The following CACNA1D variants were observed in gnomAD, a reference collection of about 807,000 sequenced individuals.
CACNA1D encodes voltage-dependent L-type calcium channel subunit alpha-1D.
CACNA1D carries 55 observed loss-of-function variants against 257.1 expected under a neutral mutation model. The ratio of observed to expected loss-of-function variants is 0.21; its 90% confidence interval spans 0.17 to 0.27. The LOEUF is 0.27. Ranked by LOEUF, CACNA1D falls within the 10% of genes least tolerant of loss-of-function variation. The probability of loss-of-function intolerance (pLI) is 1.00; values close to 1 mark genes in which losing one functional copy is unlikely to be tolerated. For missense variants in CACNA1D, 1,876 were observed against 2,784.0 expected (o/e 0.67, Z 7.34); for synonymous variants, 980 against 1,014.9 (o/e 0.97, Z 0.65).
In CACNA1D at chr3:53,496,718, C is replaced by CT. The variant is rs199676445; in HGVS notation, c.68-425dup. On this transcript the variant is annotated intron_variant, in intron 1 of 47. Coordinates refer to ENST00000350061, the MANE Select transcript of CACNA1D (RefSeq NM_001128840.3). ...AAGACTATTGAATTATTGGTACTGC[C>CT]TTTTTTTTTCCCCTTGGTGATGGTG... Among the ~76,000 whole-genome samples the CT allele has an allele frequency of 9.2e-4, 139 of 151,242 alleles. 1 individual carries two copies. In the East Asian group the frequency reaches 0.021, roughly 23 times the overall value.
rs1043398073 is a variant in CACNA1D, at chr3:53,774,109, A to G, written c.4111-478A>G. ...CGTTATTTTCATTCCCTCGGTATCT[A>G]TGCTGTCACCCTGCTCCTATGCACA... is the stretch of plus-strand genomic sequence containing the variant. On this transcript the variant is annotated intron_variant, in intron 33 of 47. Coordinates refer to ENST00000350061, the MANE Select transcript of CACNA1D (RefSeq NM_001128840.3). The surrounding 1 kb of genome is among the most constrained non-coding windows in gnomAD (Gnocchi z 4.3). 1.7e-5 allele frequency: 3 copies of G among 177,364 alleles called. 1 individual carries two copies. The highest frequency in any genetic ancestry group is 1.1e-4 in the Admixed American group (2 of 17,750). The allele number at this position is 177,364 out of a possible 1,614,324, so 11.0% of individuals were successfully genotyped here.
At chr3:53,583,153 T>C (rs1302244974) in intron 3 of CACNA1D, among the ~76,000 whole-genome samples, 1 of 152,154 alleles carries the variant, frequency 6.6e-6, no homozygotes, top group Non-Finnish European at 1.5e-5. Flanking sequence ...AGAATCTTAT[T>C]TGTGATGTTT....
chr3:53,496,521 G>A (rs1218221603), intron 1 of CACNA1D, among the ~76,000 whole-genome samples: 1 of 152,230 alleles, frequency 6.6e-6, no homozygotes, highest in Non-Finnish European at 1.5e-5. Context: ...TGGAGGAAAT[G>A]AGTCCCAAGC....
intron 40 of CACNA1D, chr3:53,791,062 C>T: frequency 1.4e-6 from 1 of 700,612 alleles, no homozygotes; most frequent in South Asian, 1.5e-5. Flanking sequence ...TGGCTAAGGC[C>T]TTGAAAGGGA....
chr3:53,801,524 C>A, intron 42 of CACNA1D, 99 bp downstream of exon 42: 1 of 1,491,766 alleles, frequency 6.7e-7, no homozygotes, highest in Non-Finnish European at 9.2e-7. Flanking sequence ...TGCTCTGGGG[C>A]ATGGAGGAGG....
intron 3 of CACNA1D, among the ~76,000 whole-genome samples, chr3:53,603,437 G>A (rs1471712171): frequency 6.6e-6 from 1 of 152,154 alleles, no homozygotes; most frequent in East Asian, 1.9e-4. Context: ...AATAAGAAAT[G>A]TACCCCTTGG....
At chr3:53,691,991 G>A (rs1222815544) in intron 8 of CACNA1D, among the ~76,000 whole-genome samples, 2 of 134,274 alleles carry the variant, frequency 1.5e-5, no homozygotes, top group Non-Finnish European at 1.6e-5. Flanking sequence ...TCAATGGCAC[G>A]ATGGGTGTAG....
chr3:53,568,412 G>A (rs1170779384), intron 3 of CACNA1D, among the ~76,000 whole-genome samples: 2 of 152,030 alleles, frequency 1.3e-5, no homozygotes, highest in South Asian at 2.1e-4. Flanking sequence ...CCTCACTCTC[G>A]GCCGATGGCT....
chr3:53,784,156 C>A (rs983124539), intron 39 of CACNA1D, among the ~76,000 whole-genome samples: 3 of 152,170 alleles, frequency 2.0e-5, no homozygotes, highest in African/African-American at 7.2e-5. Context: ...GCTGCCCCCT[C>A]ACCATCAGTG....
At chr3:53,792,982 T>G (rs1274186733) in intron 40 of CACNA1D, among the ~76,000 whole-genome samples, 1 of 152,224 alleles carries the variant, frequency 6.6e-6, no homozygotes, top group Non-Finnish European at 1.5e-5. Context: ...CAAGGGCAGG[T>G]TTGACTGCTT....
chr3:53,614,174 A>G (rs1481967759), intron 3 of CACNA1D, among the ~76,000 whole-genome samples: 1 of 151,450 alleles, frequency 6.6e-6, no homozygotes, highest in East Asian at 1.9e-4. Context: ...TAGGGCTGAG[A>G]TAGAGCACTT....
chr3:53,662,197 T>A (rs186843652), intron 5 of CACNA1D, among the ~76,000 whole-genome samples: 9 of 152,344 alleles, frequency 5.9e-5, no homozygotes, highest in South Asian at 2.1e-4. Flanking sequence ...TAATTTTGTG[T>A]GCATGTGTGT....
chr3:53,651,374 T>TTTTTTTC (rs2094093894), intron 4 of CACNA1D, among the ~76,000 whole-genome samples: 1 of 143,008 alleles, frequency 7.0e-6, no homozygotes, highest in Non-Finnish European at 1.5e-5. Context: ...TTCTTTTTTT[T>TTTTTTTC]TTTTTTTTTT....
chr3:53,586,339 G>A (rs1195063077), intron 3 of CACNA1D, among the ~76,000 whole-genome samples: 1 of 149,928 alleles, frequency 6.7e-6, no homozygotes, highest in East Asian at 2.0e-4. Context: ...CTTGGAAGAT[G>A]AGAGCTTCTG....
At chr3:53,620,430 A>G (rs564734691) in intron 3 of CACNA1D, among the ~76,000 whole-genome samples, 1 of 152,264 alleles carries the variant, frequency 6.6e-6, no homozygotes, top group Non-Finnish European at 1.5e-5. Context: ...AGCTAGGACT[A>G]CAGGCACACC....
At chr3:53,794,174 A>G (rs751333378) in intron 40 of CACNA1D, among the ~76,000 whole-genome samples, 1 of 152,248 alleles carries the variant, frequency 6.6e-6, no homozygotes, top group Non-Finnish European at 1.5e-5. Flanking sequence ...CAAAGAAGTT[A>G]AGTGATGTGA....
At chr3:53,651,912 G>A (rs2094101523) in intron 4 of CACNA1D, among the ~76,000 whole-genome samples, 1 of 152,098 alleles carries the variant, frequency 6.6e-6, no homozygotes, top group Non-Finnish European at 1.5e-5. Flanking sequence ...TATTGGGAGA[G>A]TGGAATTGGT....
At chr3:53,629,094 C>T (rs2093793012) in intron 3 of CACNA1D, among the ~76,000 whole-genome samples, 1 of 152,208 alleles carries the variant, frequency 6.6e-6, no homozygotes, top group South Asian at 2.1e-4. Flanking sequence ...GGTCTGCTGC[C>T]ACAGAGCAAA....
chr3:53,555,011 T>G (rs570849543), intron 3 of CACNA1D, among the ~76,000 whole-genome samples: 1 of 152,346 alleles, frequency 6.6e-6, no homozygotes, highest in East Asian at 1.9e-4. Context: ...TTTTCAAATA[T>G]GTAGGATTAT....
Sources: allele counts gnomAD v4.1 joint callset (sites outside exome capture counted in the v4.1 genomes callset), GRCh38; gene constraint gnomAD v4.1.1; non-coding constraint Gnocchi (gnomAD v3.1); transcripts MANE v1.5; gene names NCBI Gene and HGNC (gene_info 2026-07-23, HGNC 2026-07-21).